Variants in MGLL observed in about 807,000 individuals in gnomAD.
The protein encoded by MGLL is monoglyceride lipase, also known as lysophospholipase homolog.
A neutral mutation model predicts 29.1 loss-of-function variants in MGLL; 7 were observed. That is an observed-to-expected ratio of 0.24 (90% CI 0.14 to 0.45). The LOEUF is 0.45. Ranked by LOEUF, MGLL falls within the 20% of genes least tolerant of loss-of-function variation. The pLI is 0.99. For missense variants in MGLL, 356 were observed against 413.6 expected (o/e 0.86, Z 1.21); for synonymous variants, 148 against 168.3 (o/e 0.88, Z 0.93).
intron 3 of MGLL, among the ~76,000 whole-genome samples, chr3:127,774,797 C>G (rs2077006079): frequency 6.6e-6 from 1 of 152,180 alleles, no homozygotes; most frequent in South Asian, 2.1e-4. Flanking sequence ...GAATCTGAAT[C>G]CTGGGGTGGG....
intron 2 of MGLL, among the ~76,000 whole-genome samples, chr3:127,820,671 G>A (rs557736308): frequency 9.9e-5 from 15 of 152,180 alleles, no homozygotes; most frequent in South Asian, 6.2e-4. Context: ...CCTCTAATGC[G>A]TATGCACGTA....
At chr3:127,785,841 T>G (rs1231550706) in intron 2 of MGLL, among the ~76,000 whole-genome samples, 1 of 152,042 alleles carries the variant, frequency 6.6e-6, no homozygotes, top group African/African-American at 2.4e-5. Flanking sequence ...CGCCTGTGAG[T>G]GTGTACTGTG....
At chr3:127,779,277 T>G (rs888590827) in intron 3 of MGLL, among the ~76,000 whole-genome samples, 2 of 152,016 alleles carry the variant, frequency 1.3e-5, no homozygotes, top group African/African-American at 2.4e-5. Context: ...TAAGACAGGA[T>G]AATCGCTTGA....
intron 3 of MGLL, among the ~76,000 whole-genome samples, chr3:127,725,226 C>T (rs2107629882): frequency 6.6e-6 from 1 of 152,294 alleles, no homozygotes; most frequent in Non-Finnish European, 1.5e-5. Context: ...AAATGGACTT[C>T]CTTGGCTCTC....
At chr3:127,792,587 C>T (rs774047703) in intron 2 of MGLL, among the ~76,000 whole-genome samples, 17 of 152,138 alleles carry the variant, frequency 1.1e-4, no homozygotes, top group Middle Eastern at 3.2e-3. Context: ...CCTGTAGTCC[C>T]AGCTGCTCAG....
chr3:127,760,393 T>C (rs2076741716), intron 3 of MGLL, among the ~76,000 whole-genome samples: 2 of 152,316 alleles, frequency 1.3e-5, no homozygotes, highest in South Asian at 4.1e-4. Context: ...GCTCACACCA[T>C]GCCACACAGG....
chr3:127,715,702 A>G (rs1445143353), intron 5 of MGLL: 1 of 456,598 alleles, frequency 2.2e-6, no homozygotes, highest in African/African-American at 2.0e-5. Context: ...CATGACGAGG[A>G]AGCAGTGGGG....
At chr3:127,812,943 C>G (rs541421531) in intron 2 of MGLL, among the ~76,000 whole-genome samples, 6 of 152,234 alleles carry the variant, frequency 3.9e-5, no homozygotes, top group African/African-American at 1.2e-4. Context: ...TTCAGAGAGG[C>G]TATGTTTCCC....
At chr3:127,762,254 C>T (rs1258473866) in intron 3 of MGLL, among the ~76,000 whole-genome samples, 4 of 152,018 alleles carry the variant, frequency 2.6e-5, no homozygotes, top group Non-Finnish European at 4.4e-5. Context: ...GAGCTCTCCG[C>T]GTCCTCCCCG....
intron 2 of MGLL, among the ~76,000 whole-genome samples, chr3:127,793,654 C>T (rs1021584491): frequency 3.3e-5 from 5 of 152,178 alleles, no homozygotes; most frequent in African/African-American, 9.7e-5. Context: ...CTCCGCCTCC[C>T]GGGTTGAAGT....
chr3:127,710,783 G>T, intron 5 of MGLL, 118 bp from the exon 6 acceptor site: 1 of 947,480 alleles, frequency 1.1e-6, no homozygotes, highest in Non-Finnish European at 1.7e-6. Context: ...CATCAGCCAG[G>T]TTCGTCTCCC....
At chr3:127,755,774 T>A (rs1023565661) in intron 3 of MGLL, among the ~76,000 whole-genome samples, 3 of 152,266 alleles carry the variant, frequency 2.0e-5, no homozygotes, top group African/African-American at 7.2e-5. Flanking sequence ...CTTAAATTGA[T>A]GTATTTATCA....
Position 127,783,284 on chromosome 3 carries a change from T to C in MGLL, c.156-1389A>G, listed in dbSNP as rs893677543. Among the ~76,000 whole-genome samples, 95 of 152,116 alleles carry C rather than the reference T, an allele frequency of 6.2e-4. 1 individual carries two copies. Among genetic ancestry groups the C allele is most frequent in the African/African-American group, 2.0e-3 (85 of 41,496 alleles). ...GCTATAGGGCTCAGAACACAAGCCA[T>C]GGAGTCAGGACAGACGCTGCCTCGG... is the stretch of plus-strand genomic sequence containing the variant. On this transcript the variant is annotated intron_variant, in intron 2 of 7. Transcript: ENST00000265052.
intron 7 of MGLL, among the ~76,000 whole-genome samples, chr3:127,693,790 C>A (rs1185855729): frequency 6.6e-6 from 1 of 152,140 alleles, no homozygotes; most frequent in East Asian, 1.9e-4. Flanking sequence ...GTTCTCTGGG[C>A]CTGACAGAAA....
intron 5 of MGLL, chr3:127,715,953 T>A: frequency 2.5e-6 from 1 of 400,278 alleles, no homozygotes; most frequent in Non-Finnish European, 5.1e-6. Context: ...TGAGAGAGCC[T>A]TGGATCCAGC....
chr3:127,728,319 A>C (rs948603638), intron 3 of MGLL, among the ~76,000 whole-genome samples: 7 of 152,096 alleles, frequency 4.6e-5, no homozygotes, highest in African/African-American at 1.7e-4. Flanking sequence ...CCATCCATCC[A>C]TCCATCCATC....
At chr3:127,753,212 G>C (rs1006243798) in intron 3 of MGLL, among the ~76,000 whole-genome samples, 16 of 152,156 alleles carry the variant, frequency 1.1e-4, no homozygotes, top group African/African-American at 2.7e-4. Flanking sequence ...GCATCTCTAG[G>C]AGCCTATCAC....
At chr3:127,797,904 T>G (rs1325189948) in intron 2 of MGLL, among the ~76,000 whole-genome samples, 1 of 152,176 alleles carries the variant, frequency 6.6e-6, no homozygotes, top group Non-Finnish European at 1.5e-5. Flanking sequence ...CCACCATACC[T>G]GGCCCACCGT....
intron 2 of MGLL, among the ~76,000 whole-genome samples, chr3:127,806,634 T>C (rs1334299396): frequency 6.6e-6 from 1 of 151,740 alleles, no homozygotes; most frequent in Non-Finnish European, 1.5e-5. Context: ...GGTGGATAGA[T>C]GGAAGGATGA....
Sources: allele counts gnomAD v4.1 joint callset (sites outside exome capture counted in the v4.1 genomes callset), GRCh38; gene constraint gnomAD v4.1.1; transcripts MANE v1.5; gene names NCBI Gene and HGNC (gene_info 2026-07-23, HGNC 2026-07-21).